ZNF536: variants seen among roughly 807,000 people sequenced by gnomAD.
The protein encoded by ZNF536 is zinc finger protein 536.
ZNF536 carries 13 observed loss-of-function variants against 84.5 expected under a neutral mutation model. The observed-to-expected ratio is 0.15, with a 90% CI of 0.10 to 0.24. ZNF536 has a LOEUF of 0.24. Ranked by LOEUF, ZNF536 falls within the 10% of genes least tolerant of loss-of-function variation. The probability of loss-of-function intolerance (pLI) is 1.00; values close to 1 mark genes in which losing one functional copy is unlikely to be tolerated. For missense variants in ZNF536, 1,536 were observed against 1,747.5 expected, an observed-to-expected ratio of 0.88 and a Z score of 2.16; for synonymous variants, 811 against 742.5, an observed-to-expected ratio of 1.09 and a Z score of -1.50.
intron 1 of ZNF536, among the ~76,000 whole-genome samples, chr19:30,654,877 G>A (rs77224571): frequency 0.019 from 2,878 of 149,824 alleles, 86 homozygotes; most frequent in African/African-American, 0.067. Context: ...TGCTTACAGC[G>A]TTGACTTTCT....
intron 2 of ZNF536, among the ~76,000 whole-genome samples, chr19:30,507,299 C>T (rs1185811100): frequency 6.6e-6 from 1 of 151,742 alleles, no homozygotes; most frequent in African/African-American, 2.4e-5. Flanking sequence ...TGCAGTGAGC[C>T]GAGATCCCAC....
chr19:30,578,498 C>A (rs975802818), intron 1 of ZNF536, among the ~76,000 whole-genome samples: 2 of 152,196 alleles, frequency 1.3e-5, no homozygotes, highest in Non-Finnish European at 2.9e-5. Flanking sequence ...TTTTTCTTGG[C>A]TGCATCTGAG....
intron 2 of ZNF536, among the ~76,000 whole-genome samples, chr19:30,322,618 C>T (rs984319289): frequency 6.6e-6 from 1 of 152,200 alleles, no homozygotes; most frequent in African/African-American, 2.4e-5. Flanking sequence ...ATCCTTTTCC[C>T]GAATTTCCCT....
intron 3 of ZNF536, among the ~76,000 whole-genome samples, chr19:30,542,026 A>T (rs1023401215): frequency 1.3e-5 from 2 of 152,260 alleles, no homozygotes; most frequent in Non-Finnish European, 2.9e-5. Flanking sequence ...CTAAATAAAT[A>T]TCAAATTGAG....
At chr19:30,353,524 C>A (rs1045044117) in intron 3 of ZNF536, among the ~76,000 whole-genome samples, 7 of 151,788 alleles carry the variant, frequency 4.6e-5, no homozygotes, top group Admixed American at 3.9e-4. Context: ...AGTGGATGAG[C>A]AGCCCCCCCC....
At chr19:30,241,173 C>T (rs1380325836) in intron 1 of ZNF536, among the ~76,000 whole-genome samples, 2 of 152,038 alleles carry the variant, frequency 1.3e-5, no homozygotes, top group Admixed American at 1.3e-4. Context: ...AAAAAATTAG[C>T]TGGGTGTGGT....
chr19:30,292,006 A>G (rs1239359327), intron 2 of ZNF536, among the ~76,000 whole-genome samples: 1 of 152,224 alleles, frequency 6.6e-6, no homozygotes, highest in Non-Finnish European at 1.5e-5. Flanking sequence ...TTGACACTAC[A>G]AAGGCAGAGT....
rs75067597 is a variant in ZNF536 at position 30,580,999 on chromosome 19, T to A, written c.169+31485T>A. Among the ~76,000 whole-genome samples, 660 of 152,352 alleles carry A rather than the reference T, an allele frequency of 4.3e-3. 1 individual carries two copies. Among genetic ancestry groups the A allele is most frequent in the Non-Finnish European group, 7.0e-3 (477 of 68,036 alleles). On this transcript the variant is annotated intron_variant, in intron 1 of 1. Transcript: ENST00000592773. The stretch of plus-strand genomic sequence containing the variant: ...AAGTGATTTTCCTAGAAGAATTGGG[T>A]ATTAGCTTCTGGAATTATGAGCAGG...
At chr19:30,415,746 G>T (rs1235577725) in intron 1 of ZNF536, among the ~76,000 whole-genome samples, 16 of 152,150 alleles carry the variant, frequency 1.1e-4, no homozygotes, top group Non-Finnish European at 1.5e-5. Context: ...AAGTAGCTGG[G>T]ACTACAGGTG....
chr19:30,700,308 CTCTT>C (rs1398867077), intron 1 of ZNF536, among the ~76,000 whole-genome samples: 2 of 147,908 alleles, frequency 1.4e-5, no homozygotes, highest in African/African-American at 2.5e-5. Flanking sequence ...TTCCCTCTCC[CTCTT>C]TCTTTCTCTA....
intron 1 of ZNF536, among the ~76,000 whole-genome samples, chr19:30,378,427 A>G (rs1302571847): frequency 6.6e-6 from 1 of 152,098 alleles, no homozygotes; most frequent in Non-Finnish European, 1.5e-5. Flanking sequence ...TCCCAAAGTA[A>G]TGGGATTACG....
At chr19:30,451,665 C>T (rs1166051672) in intron 2 of ZNF536, among the ~76,000 whole-genome samples, 1 of 152,148 alleles carries the variant, frequency 6.6e-6, no homozygotes, top group Non-Finnish European at 1.5e-5. Context: ...CATGGTTTTG[C>T]TTGTGAGGGA....
upstream of ZNF536, among the ~76,000 whole-genome samples, chr19:30,370,574 CTAATT>C (rs1746270424): frequency 6.6e-6 from 1 of 152,136 alleles, no homozygotes. Flanking sequence ...GGGAAAAAAA[CTAATT>C]TAAACAGCAG....
chr19:30,232,753 G>A (rs986193728), intron 1 of ZNF536, among the ~76,000 whole-genome samples: 1 of 152,204 alleles, frequency 6.6e-6, no homozygotes, highest in Non-Finnish European at 1.5e-5. Flanking sequence ...GAACTTAACA[G>A]ATGAACCTGG....
At chr19:30,631,808 T>C (rs1256256276) in intron 1 of ZNF536, among the ~76,000 whole-genome samples, 1 of 152,198 alleles carries the variant, frequency 6.6e-6, no homozygotes, top group Non-Finnish European at 1.5e-5. Flanking sequence ...CATTCTGTTC[T>C]TCAGCTTTAA....
chr19:30,408,332 C>T (rs1433592511), intron 1 of ZNF536, among the ~76,000 whole-genome samples: 1 of 152,160 alleles, frequency 6.6e-6, no homozygotes, highest in Non-Finnish European at 1.5e-5. Context: ...GGGTGTTAAG[C>T]ATTTGTCTGT....
intron 1 of ZNF536, among the ~76,000 whole-genome samples, chr19:30,653,776 C>T (rs143912120): frequency 6.6e-6 from 1 of 152,246 alleles, no homozygotes; most frequent in African/African-American, 2.4e-5. Context: ...GGGGTCCCGC[C>T]CAGCCTGCCT....
At chr19:30,695,411 G>A (rs571244356) in intron 1 of ZNF536, among the ~76,000 whole-genome samples, 2 of 152,294 alleles carry the variant, frequency 1.3e-5, no homozygotes, top group Admixed American at 6.5e-5. Flanking sequence ...AGCCATTAGC[G>A]AACAGTGCCT....
At chr19:30,237,041 A>G (rs1044385828) in intron 1 of ZNF536, among the ~76,000 whole-genome samples, 2 of 111,788 alleles carry the variant, frequency 1.8e-5, no homozygotes, top group African/African-American at 8.7e-5. Flanking sequence ...GATTCTTGTG[A>G]GATTTTTTTT....
Sources: gnomAD v4.1 joint callset for allele counts (sites outside exome capture counted in the v4.1 genomes callset) on GRCh38, gnomAD v4.1.1 for gene constraint, MANE v1.5 for transcripts, NCBI Gene and HGNC (gene_info 2026-07-23, HGNC 2026-07-21) for gene names.